Variants in LNPEP observed in about 807,000 individuals in gnomAD.
LNPEP encodes the protein leucyl-cystinyl aminopeptidase.
A neutral mutation model predicts 120.6 loss-of-function variants in LNPEP; 64 were observed. The observed-to-expected ratio is 0.53, with a 90% CI of 0.43 to 0.65. The LOEUF is 0.65. LNPEP is among the 30% of genes least tolerant of loss of function. The pLI is 0.00. For missense variants in LNPEP, 1,057 were observed against 1,200.0 expected (o/e 0.88, Z 1.76); for synonymous variants, 435 against 425.4 (o/e 1.02, Z -0.28).
At chr5:96,968,677 G>C (rs1789786418) in intron 1 of LNPEP, among the ~76,000 whole-genome samples, 1 of 151,954 alleles carries the variant, frequency 6.6e-6, no homozygotes, top group Non-Finnish European at 1.5e-5. Flanking sequence ...AAAGAAACTA[G>C]GAATTTGAAA....
At chr5:96,985,059 T>C (rs760527125) in intron 2 of LNPEP, 21 bp from the exon 3 acceptor site, 1 of 1,613,378 alleles carries the variant, frequency 6.2e-7, no homozygotes, top group South Asian at 1.1e-5. Context: ...AACTACTGGA[T>C]TGAATTTGTG....
Position 97,033,355 on chromosome 5 carries a change from T to TGTATTAATTC in LNPEP, c.*4823_*4832dup. The TGTATTAATTC allele has an allele frequency of 6.6e-6, 1 of 152,168 alleles. No individual in the cohort carries two copies. The allele number at this position is 152,168 out of a possible 1,614,324, so 9.4% of individuals were successfully genotyped here. A position where few individuals can be genotyped will look rare whatever the true frequency, so the allele number is the denominator to read the frequency against. On this transcript the variant is annotated 3_prime_UTR_variant, in exon 18 of 18. Coordinates refer to ENST00000231368, the MANE Select transcript of LNPEP (RefSeq NM_005575.3). Reference sequence around the variant, plus strand: ...TATATACATGTTTTTACTACTACATTGTATTAATTCATCGGGTGCCCAGAC... The same window carrying TGTATTAATTC: ...TATATACATGTTTTTACTACTACATTGTATTAATTCGTATTAATTCATCGGGTGCCCAGAC...
intron 14 of LNPEP, 53 bp downstream of exon 14, chr5:97,022,537 C>A: frequency 7.3e-7 from 1 of 1,366,758 alleles, no homozygotes; most frequent in Non-Finnish European, 1.0e-6. Flanking sequence ...TATTTCACAT[C>A]ATATACAGTA....
At chr5:96,964,013 T>A in intron 1 of LNPEP, among the ~76,000 whole-genome samples, 1 of 152,140 alleles carries the variant, frequency 6.6e-6, no homozygotes, top group African/African-American at 2.4e-5. Context: ...ATTGTAACTT[T>A]TTATCCTTTG....
At chr5:96,989,409 A>AT (rs1790341524) in intron 4 of LNPEP, among the ~76,000 whole-genome samples, 2 of 29,422 alleles carry the variant, frequency 6.8e-5, no homozygotes, top group Admixed American at 5.9e-4. Context: ...TATATTATAT[A>AT]TAATATATAA....
chr5:96,939,831 A>G (rs528176513), intron 1 of LNPEP, among the ~76,000 whole-genome samples: 119 of 152,238 alleles, frequency 7.8e-4, no homozygotes, highest in African/African-American at 2.7e-3. Flanking sequence ...CCATCTTTTA[A>G]TCTTACAAAT....
chr5:96,986,512 G>A (rs1252486211), intron 3 of LNPEP, 27 bp from the exon 4 acceptor site: 2 of 1,604,466 alleles, frequency 1.2e-6, no homozygotes, highest in African/African-American at 2.7e-5. Context: ...TATAGTTACA[G>A]AACTGTCTTT....
In LNPEP at chr5:96,992,950, C is replaced by T; in HGVS notation, c.1132-65C>T. Reference sequence around the variant, plus strand: ...TTCAGATATGCTAGTCTTGACAGTGCTACTTGAGTATCATGCCATTTTAAT... The same window carrying T: ...TTCAGATATGCTAGTCTTGACAGTGTTACTTGAGTATCATGCCATTTTAAT... On this transcript the variant is annotated intron_variant, in intron 4 of 17. Coordinates refer to ENST00000231368, the MANE Select transcript of LNPEP (RefSeq NM_005575.3). 2.4e-6 allele frequency: 3 copies of T among 1,224,990 alleles called. No individual in the cohort carries two copies. The South Asian group carries it at 4.7e-5, about 19-fold the overall frequency. The allele number at this position is 1,224,990 out of a possible 1,614,324, so 75.9% of individuals were successfully genotyped here.
In LNPEP at chr5:97,027,826, A is replaced by G. The variant is rs2287928; in HGVS notation, c.2946+12A>G. ...CACATTTATCTGAGGTTGGTTTTAT[A>G]AAATGATAATACAGAGACTGGGCAA... is the stretch of plus-strand genomic sequence containing the variant. On this transcript the variant is annotated intron_variant, in intron 17 of 17. Transcript: ENST00000231368. 1,207 of 1,535,526 alleles carry G rather than the reference A, an allele frequency of 7.9e-4. 19 individuals are homozygous for G. In the East Asian group the frequency reaches 0.024, roughly 30 times the overall value.
At chr5:96,970,226 C>T (rs1212991966) in intron 1 of LNPEP, among the ~76,000 whole-genome samples, 2 of 151,942 alleles carry the variant, frequency 1.3e-5, no homozygotes, top group African/African-American at 2.4e-5. Context: ...CGTGACCTTA[C>T]TTATTTGTTG....
rs1791467630 is a variant in LNPEP at position 97,031,443 on chromosome 5, A to T, written c.*2910A>T. Reference sequence around the variant, plus strand: ...TCTTACTATCACAGGTTCTACTTTAATTTTCCTTGCCATATGTGTTTCCAT... The same window carrying T: ...TCTTACTATCACAGGTTCTACTTTATTTTTCCTTGCCATATGTGTTTCCAT... On this transcript the variant is annotated 3_prime_UTR_variant, in exon 18 of 18. Transcript: ENST00000231368. The T allele has an allele frequency of 6.6e-6, 1 of 151,998 alleles. No homozygotes were observed. Among genetic ancestry groups the T allele is most frequent in the Non-Finnish European group, 1.5e-5 (1 of 67,998 alleles). The allele number at this position is 151,998 out of a possible 1,614,324, so 9.4% of individuals were successfully genotyped here. A position where few individuals can be genotyped will look rare whatever the true frequency, so the allele number is the denominator to read the frequency against.
In LNPEP at chr5:97,033,226, C is replaced by T. The variant is rs916578816; in HGVS notation, c.*4693C>T. 6.6e-6 allele frequency: 1 copy of T among 151,584 alleles called. No homozygotes were observed. Among genetic ancestry groups the T allele is most frequent in the Non-Finnish European group, 1.5e-5 (1 of 67,812 alleles). The allele number at this position is 151,584 out of a possible 1,614,324, so 9.4% of individuals were successfully genotyped here. On this transcript the variant is annotated 3_prime_UTR_variant, in exon 18 of 18. Coordinates refer to ENST00000231368, the MANE Select transcript of LNPEP (RefSeq NM_005575.3). ...CGATGTATAACAGTCTCCCATTCTC[C>T]TCATCCCTTATTGACTGCTGGGCAG...
chr5:96,936,093 G>T lies in LNPEP; in HGVS notation c.-63G>T. 1 of 1,509,016 alleles carries T rather than the reference G, an allele frequency of 6.6e-7. No homozygotes were observed. The highest frequency in any genetic ancestry group is 1.4e-5 in the African/African-American group (1 of 69,290). 93.5% of individuals were successfully genotyped at this position (1,509,016 alleles called of 1,614,324 possible). A position where few individuals can be genotyped will look rare whatever the true frequency, so the allele number is the denominator to read the frequency against. On this transcript the variant is annotated 5_prime_UTR_variant, in exon 1 of 18. Transcript: ENST00000231368. Reference sequence around the variant, plus strand: ...CTGGGCATGCTCAGTCAGCTGGGCCGCCTCAGCTCTCGGAGTAGGAAGCTC... The same window carrying T: ...CTGGGCATGCTCAGTCAGCTGGGCCTCCTCAGCTCTCGGAGTAGGAAGCTC...
intron 1 of LNPEP, among the ~76,000 whole-genome samples, chr5:96,958,958 A>G (rs900196587): frequency 2.0e-5 from 3 of 150,564 alleles, no homozygotes; most frequent in African/African-American, 7.3e-5. Flanking sequence ...CCTTCCGAGT[A>G]GGGATTACAG....
At chr5:96,936,783 C>T (rs1788903081) in intron 1 of LNPEP, 1 of 151,988 alleles carries the variant, frequency 6.6e-6, no homozygotes, top group Non-Finnish European at 1.5e-5. Flanking sequence ...AGGGCCACCA[C>T]GCATCCCCTC....
At chr5:97,012,719 T>A (rs1434816116) in intron 11 of LNPEP, among the ~76,000 whole-genome samples, 8 of 152,150 alleles carry the variant, frequency 5.3e-5, no homozygotes, top group Admixed American at 5.2e-4. Context: ...TTTTAAAAAT[T>A]CATACATATA....
At chr5:96,946,883 A>G (rs1789197134) in intron 1 of LNPEP, among the ~76,000 whole-genome samples, 1 of 152,204 alleles carries the variant, frequency 6.6e-6, no homozygotes, top group Admixed American at 6.5e-5. Flanking sequence ...TGTTTAACTC[A>G]CAAGTTTTCT....
intron 1 of LNPEP, 84 bp from the exon 2 acceptor site, chr5:96,979,054 G>T (rs1790062894): frequency 1.4e-6 from 2 of 1,452,090 alleles, no homozygotes; most frequent in Non-Finnish European, 1.8e-6. Context: ...GTTTAAATGT[G>T]GTCTAGGTAG....
chr5:97,019,230 A>T (rs1476997732), intron 13 of LNPEP, among the ~76,000 whole-genome samples: 1 of 152,106 alleles, frequency 6.6e-6, no homozygotes, highest in Non-Finnish European at 1.5e-5. Flanking sequence ...TCCTCTCTCC[A>T]CTTGCCATTT....
Sources: allele counts gnomAD v4.1 joint callset (sites outside exome capture counted in the v4.1 genomes callset), GRCh38; gene constraint gnomAD v4.1.1; transcripts MANE v1.5; gene names NCBI Gene and HGNC (gene_info 2026-07-23, HGNC 2026-07-21).